CELF4: variants seen among roughly 807,000 people sequenced by gnomAD.
CELF4 encodes CUG-BP- and ETR-3-like factor 4.
Under a neutral mutation model 59.9 loss-of-function variants are expected in CELF4, and 18 were observed. The ratio of observed to expected loss-of-function variants is 0.30; its 90% confidence interval spans 0.21 to 0.45. CELF4 has a LOEUF of 0.45. Ranked by LOEUF, CELF4 falls within the 20% of genes least tolerant of loss-of-function variation. CELF4 has a pLI of 1.00. For missense variants in CELF4, 456 were observed against 689.0 expected (o/e 0.66, Z 3.79); for synonymous variants, 261 against 267.1 (o/e 0.98, Z 0.22).
chr18:37,273,303 C>G, intron 6 of CELF4, 140 bp from the exon 7 acceptor site: 1 of 1,437,692 alleles, frequency 7.0e-7, no homozygotes, highest in East Asian at 2.5e-5. Flanking sequence ...AGCCCTGATG[C>G]CTCTCCCATT....
At chr18:37,307,479 G>A (rs1279415042) in intron 3 of CELF4, among the ~76,000 whole-genome samples, 3 of 151,554 alleles carry the variant, frequency 2.0e-5, no homozygotes, top group African/African-American at 4.9e-5. Flanking sequence ...TCTTCCCCCC[G>A]TCCCCCGCTC....
intron 5 of CELF4, 49 bp from the exon 6 acceptor site, chr18:37,274,503 C>G: frequency 6.2e-7 from 1 of 1,608,582 alleles, no homozygotes; most frequent in Non-Finnish European, 8.5e-7. Flanking sequence ...AGCCTCCGCC[C>G]GCAGCTGTCG....
At chr18:37,447,347 T>C (rs2099750951) in intron 2 of CELF4, among the ~76,000 whole-genome samples, 1 of 152,192 alleles carries the variant, frequency 6.6e-6, no homozygotes, top group Non-Finnish European at 1.5e-5. Context: ...ATCCTCCCCA[T>C]AGCCCTGGGA....
At chr18:37,417,269 G>T (rs1474065199) in intron 2 of CELF4, among the ~76,000 whole-genome samples, 3 of 152,114 alleles carry the variant, frequency 2.0e-5, no homozygotes, top group Non-Finnish European at 4.4e-5. Context: ...CCATAGGGAT[G>T]GTTCAGCAAT....
chr18:37,363,682 G>T (rs1333286894), intron 2 of CELF4, among the ~76,000 whole-genome samples: 1 of 152,188 alleles, frequency 6.6e-6, no homozygotes, highest in African/African-American at 2.4e-5. Flanking sequence ...GTTAATCAAG[G>T]CATGTTATTT....
At chr18:37,307,853 C>G (rs1224308854) in intron 3 of CELF4, among the ~76,000 whole-genome samples, 2 of 152,122 alleles carry the variant, frequency 1.3e-5, no homozygotes, top group Non-Finnish European at 2.9e-5. Context: ...CTGGGAAGGC[C>G]AGTAGGGACC....
intron 2 of CELF4, among the ~76,000 whole-genome samples, chr18:37,331,135 C>T (rs965011196): frequency 7.9e-5 from 12 of 152,234 alleles, no homozygotes; most frequent in African/African-American, 2.9e-4. Context: ...TCCATTCAGA[C>T]TTCCAGCGCT....
chr18:37,446,928 T>G, intron 2 of CELF4, among the ~76,000 whole-genome samples: 1 of 152,340 alleles, frequency 6.6e-6, no homozygotes, highest in African/African-American at 2.4e-5. Context: ...AAGGAGCTTC[T>G]GCCAAATAGG....
intron 2 of CELF4, among the ~76,000 whole-genome samples, chr18:37,329,151 G>A (rs2097440438): frequency 6.6e-6 from 1 of 152,212 alleles, no homozygotes; most frequent in African/African-American, 2.4e-5. Flanking sequence ...TTCACAGTTT[G>A]TATTTTGTGG....
chr18:37,392,794 C>G (rs771221924), intron 2 of CELF4, among the ~76,000 whole-genome samples: 9 of 152,248 alleles, frequency 5.9e-5, no homozygotes, highest in Non-Finnish European at 8.8e-5. Flanking sequence ...GGTCTCAGCT[C>G]AAAGTCACCT....
At chr18:37,523,324 G>T (rs2099959761) in intron 1 of CELF4, among the ~76,000 whole-genome samples, 1 of 152,206 alleles carries the variant, frequency 6.6e-6, no homozygotes, top group Non-Finnish European at 1.5e-5. Flanking sequence ...GGAGGCCCCA[G>T]ATGTTCTTTT....
intron 2 of CELF4, among the ~76,000 whole-genome samples, chr18:37,366,243 C>T (rs1234493291): frequency 3.3e-5 from 5 of 152,168 alleles, no homozygotes; most frequent in African/African-American, 7.2e-5. Flanking sequence ...ATAGCGCAGA[C>T]CCAGAAAGCT....
At chr18:37,406,705 C>G (rs1276995298) in intron 2 of CELF4, among the ~76,000 whole-genome samples, 1 of 152,160 alleles carries the variant, frequency 6.6e-6, no homozygotes, top group African/African-American at 2.4e-5. Context: ...AAAGGAAAAC[C>G]CCTAATGTTG....
chr18:37,447,662 A>G (rs977671721), intron 2 of CELF4, among the ~76,000 whole-genome samples: 1 of 152,166 alleles, frequency 6.6e-6, no homozygotes, highest in Non-Finnish European at 1.5e-5. Flanking sequence ...GTGATGCCAC[A>G]TGGGCCCTGG....
intron 1 of CELF4, among the ~76,000 whole-genome samples, chr18:37,506,790 C>T (rs539690899): frequency 4.3e-4 from 65 of 152,308 alleles, no homozygotes; most frequent in Non-Finnish European, 7.1e-4. Flanking sequence ...GGGGAAGCAT[C>T]GCGCCTTGCA....
At chr18:37,471,060 A>G (rs748440660) in intron 2 of CELF4, among the ~76,000 whole-genome samples, 2 of 152,060 alleles carry the variant, frequency 1.3e-5, no homozygotes, top group Non-Finnish European at 2.9e-5. Context: ...TTCAGGTGCA[A>G]CAAGTGTTCA....
intron 2 of CELF4, among the ~76,000 whole-genome samples, chr18:37,447,035 A>G (rs2099749984): frequency 6.6e-6 from 1 of 152,222 alleles, no homozygotes; most frequent in Non-Finnish European, 1.5e-5. Context: ...GTGTGTGATC[A>G]GTTGCAGAAA....
At chr18:37,323,606 C>A (rs2097198530) in intron 2 of CELF4, among the ~76,000 whole-genome samples, 1 of 152,100 alleles carries the variant, frequency 6.6e-6, no homozygotes, top group Admixed American at 6.5e-5. Flanking sequence ...CTTTCCTAGG[C>A]TGCCATGTCC....
chr18:37,274,798 C>G lies in CELF4; in HGVS notation c.657+7G>C, dbSNP rs752215681. ...CCTCGCCCCCGCCCCAAGGGGCCAG[C>G]ACTCACCGGCATGGTCTGGCTGCCG... On this transcript the variant is annotated splice_region_variant and intron_variant, in intron 5 of 12. Transcript: ENST00000420428. The G allele has an allele frequency of 1.9e-6, 3 of 1,586,066 alleles. No individual in the cohort carries two copies. Among genetic ancestry groups the G allele is most frequent in the Non-Finnish European group, 2.6e-6 (3 of 1,168,706 alleles).
Sources: gnomAD v4.1 joint callset for allele counts (sites outside exome capture counted in the v4.1 genomes callset) on GRCh38, gnomAD v4.1.1 for gene constraint, MANE v1.5 for transcripts, NCBI Gene and HGNC (gene_info 2026-07-23, HGNC 2026-07-21) for gene names.